The following LPP variants were observed in gnomAD, a reference collection of about 807,000 sequenced individuals.
LPP encodes the protein LIM domain containing preferred translocation partner in lipoma.
A neutral mutation model predicts 60.4 loss-of-function variants in LPP; 38 were observed. The ratio of observed to expected loss-of-function variants is 0.63; its 90% CI spans 0.49 to 0.83. LPP has a LOEUF of 0.83. LPP is among the 40% of genes least tolerant of loss of function. LPP has a pLI of 0.00. For missense variants in LPP, 902 were observed against 783.6 expected (o/e 1.15, Z -1.80); for synonymous variants, 328 against 290.8 (o/e 1.13, Z -1.30).
At chr3:188,750,674 C>G (rs1727787111) in intron 8 of LPP, among the ~76,000 whole-genome samples, 1 of 152,104 alleles carries the variant, frequency 6.6e-6, no homozygotes, top group Non-Finnish European at 1.5e-5. Flanking sequence ...GAATCTTGTC[C>G]AGGTTAACAC....
intron 4 of LPP, among the ~76,000 whole-genome samples, chr3:188,474,806 T>C (rs1364531815): frequency 6.6e-6 from 1 of 152,232 alleles, no homozygotes; most frequent in African/African-American, 2.4e-5. Context: ...CACTAGCTGA[T>C]AGAAGACTGA....
intron 8 of LPP, among the ~76,000 whole-genome samples, chr3:188,723,245 C>T (rs1717150918): frequency 1.3e-5 from 2 of 152,172 alleles, no homozygotes; most frequent in Admixed American, 1.3e-4. Context: ...GCTTTACTGT[C>T]AGTGTCAGCA....
intron 5 of LPP, among the ~76,000 whole-genome samples, chr3:188,523,885 G>A (rs943182615): frequency 7.4e-5 from 6 of 81,396 alleles, no homozygotes; most frequent in African/African-American, 2.2e-4. Context: ...AAATACTAGG[G>A]TCATCTCACT....
At chr3:188,796,973 C>T (rs563381273) in intron 9 of LPP, among the ~76,000 whole-genome samples, 2 of 152,262 alleles carry the variant, frequency 1.3e-5, no homozygotes, top group South Asian at 2.1e-4. Context: ...CTATCTTTCC[C>T]TTCTAAAACT....
chr3:188,365,694 T>A (rs1358805882), intron 3 of LPP, among the ~76,000 whole-genome samples: 1 of 151,866 alleles, frequency 6.6e-6, no homozygotes, highest in Non-Finnish European at 1.5e-5. Context: ...CTTCTTTTTT[T>A]TTTTTTTTAC....
chr3:188,511,827 A>G (rs985952458), intron 5 of LPP, among the ~76,000 whole-genome samples: 37 of 152,172 alleles, frequency 2.4e-4, no homozygotes, highest in African/African-American at 8.7e-4. Context: ...AGAGGGAGCT[A>G]TGATATTTTC....
chr3:188,830,731 C>T (rs1756949149), intron 9 of LPP, among the ~76,000 whole-genome samples: 1 of 152,178 alleles, frequency 6.6e-6, no homozygotes, highest in East Asian at 1.9e-4. Context: ...CAAGAGGTCT[C>T]CACATCTACC....
At chr3:188,647,675 G>T (rs991693271) in intron 7 of LPP, among the ~76,000 whole-genome samples, 5 of 152,270 alleles carry the variant, frequency 3.3e-5, no homozygotes, top group Admixed American at 2.6e-4. Context: ...CCTCCACCCT[G>T]TCTGCATGGA....
At chr3:188,583,642 A>G (rs977615261) in intron 6 of LPP, among the ~76,000 whole-genome samples, 1 of 152,120 alleles carries the variant, frequency 6.6e-6, no homozygotes, top group African/African-American at 2.4e-5. Flanking sequence ...ATTGACCCGG[A>G]CCGCGTTGTT....
At chr3:188,853,026 T>G (rs1763029164) in intron 9 of LPP, among the ~76,000 whole-genome samples, 1 of 152,060 alleles carries the variant, frequency 6.6e-6, no homozygotes, top group African/African-American at 2.4e-5. Flanking sequence ...GTCGGGCACC[T>G]GTAATCCCGG....
At chr3:188,826,705 C>T (rs1034415595) in intron 9 of LPP, among the ~76,000 whole-genome samples, 1 of 152,106 alleles carries the variant, frequency 6.6e-6, no homozygotes, top group Admixed American at 6.6e-5. Flanking sequence ...TAAGACTCAA[C>T]TCAAATACCT....
At chr3:188,232,520 T>A (rs796818899) in intron 2 of LPP, among the ~76,000 whole-genome samples, 2,435 of 146,896 alleles carry the variant, frequency 0.017, 81 homozygotes, top group African/African-American at 0.056. Flanking sequence ...TTTTTTTTTT[T>A]TTTTTTTGTA....
chr3:188,810,019 T>C (rs1015389267), intron 9 of LPP, among the ~76,000 whole-genome samples: 4 of 152,166 alleles, frequency 2.6e-5, no homozygotes, highest in Admixed American at 2.0e-4. Context: ...CTGAGGTCTC[T>C]GCTCTGTTCC....
chr3:188,191,978 G>T (rs567061940), intron 1 of LPP, among the ~76,000 whole-genome samples: 2 of 152,220 alleles, frequency 1.3e-5, no homozygotes, highest in South Asian at 2.1e-4. Context: ...GGGTTCCTAG[G>T]GGGGGATTGG....
At chr3:188,374,085 G>A (rs754049989) in intron 3 of LPP, among the ~76,000 whole-genome samples, 25 of 152,214 alleles carry the variant, frequency 1.6e-4, no homozygotes, top group South Asian at 1.5e-3. Flanking sequence ...TTTGGTACCC[G>A]TACCATGCTG....
chr3:188,243,524 C>T (rs562546589), intron 2 of LPP, among the ~76,000 whole-genome samples: 3 of 152,290 alleles, frequency 2.0e-5, no homozygotes, highest in Non-Finnish European at 2.9e-5. Context: ...CGAAATAAAT[C>T]GTTTCTTTTT....
rs1042213551 is a variant in LPP at position 188,709,137 on chromosome 3, A to C, written c.1240+744A>C. The C allele has an allele frequency of 2.6e-5, 4 of 152,170 alleles. No individual in the cohort carries two copies. In the East Asian group the frequency reaches 7.7e-4, roughly 29 times the overall value. The allele number at this position is 152,170 out of a possible 1,614,324, so 9.4% of individuals were successfully genotyped here. ...TTTCCCCTCTTCAAACTTGTTAATA[A>C]CTAGGAATGGTTAATCCTTCCAATC... is the stretch of plus-strand genomic sequence containing the variant. On this transcript the variant is annotated intron_variant, in intron 8 of 11. Transcript: ENST00000617246.
At chr3:188,730,609 A>G (rs2150027512) in intron 8 of LPP, among the ~76,000 whole-genome samples, 1 of 152,326 alleles carries the variant, frequency 6.6e-6, no homozygotes, top group African/African-American at 2.4e-5. Context: ...CTCAAACTGG[A>G]TCGACATGAT....
At position 188,355,157 on chromosome 3, in the gene LPP, C is replaced by T. The variant is rs533099985; in HGVS notation, c.-10+13438C>T. Among the ~76,000 whole-genome samples the T allele has an allele frequency of 5.3e-5, 8 of 152,074 alleles. No homozygotes were observed. In the East Asian group the frequency reaches 9.7e-4, roughly 18 times the overall value. ...CCGAGTAGCTGGGACTACAGGCGCC[C>T]GCCACCACACCTGGCTAATTTTTGT... On this transcript the variant is annotated intron_variant, in intron 3 of 11. Transcript: ENST00000617246.
Sources: allele counts gnomAD v4.1 joint callset (sites outside exome capture counted in the v4.1 genomes callset), GRCh38; gene constraint gnomAD v4.1.1; transcripts MANE v1.5; gene names NCBI Gene and HGNC (gene_info 2026-07-23, HGNC 2026-07-21).